Variants in SFTPB observed in about 807,000 individuals in gnomAD.
SFTPB encodes surfactant protein B, also known as pulmonary surfactant-associated protein B.
Under a neutral mutation model 51.0 loss-of-function variants are expected in SFTPB, and 32 were observed. The observed-to-expected ratio is 0.63, with a 90% confidence interval of 0.47 to 0.84. The LOEUF is 0.84. SFTPB is among the 40% of genes least tolerant of loss of function. The pLI, the probability that SFTPB is intolerant of heterozygous loss-of-function variation, is 0.00. For synonymous variants in SFTPB, 211 were observed against 208.5 expected (o/e 1.01, Z -0.10); for missense variants, 431 against 491.2 (o/e 0.88, Z 1.16).
At position 85,663,521 on chromosome 2, in the gene SFTPB, G is replaced by A. The variant is rs1430133211; in HGVS notation, c.857-30C>T. The A allele has an allele frequency of 1.9e-6, 3 of 1,612,712 alleles. No individual in the cohort carries two copies. In the African/African-American group the frequency reaches 4.0e-5, roughly 22 times the overall value. Reference sequence around the variant, plus strand: ...AGATGTGAGCATTAGGGGGAAAGCAGGCAAGGCCACCCTACAGAGGTGTTT... The same window carrying A: ...AGATGTGAGCATTAGGGGGAAAGCAAGCAAGGCCACCCTACAGAGGTGTTT... On this transcript the variant is annotated intron_variant, in intron 7 of 10. Transcript: ENST00000519937.
chr2:85,666,842 C>T (rs1677675109), intron 3 of SFTPB, 100 bp from the exon 4 acceptor site: 5 of 1,509,838 alleles, frequency 3.3e-6, no homozygotes, highest in Non-Finnish European at 4.6e-6. Context: ...ACCCCTAATC[C>T]CCCAGGGTGC....
intron 4 of SFTPB, among the ~76,000 whole-genome samples, chr2:85,666,125 G>A (rs1298302788): frequency 5.9e-5 from 9 of 152,122 alleles, no homozygotes; most frequent in African/African-American, 1.9e-4. Flanking sequence ...ATGGTCGGGT[G>A]CATGGCTGAA....
intron 2 of SFTPB, 75 bp from the exon 3 acceptor site, chr2:85,667,252 T>C (rs2104417415): frequency 1.7e-6 from 2 of 1,143,614 alleles, no homozygotes; most frequent in Middle Eastern, 2.0e-4. Context: ...GAGGTTCTCT[T>C]AGGAAGAGGC....
Position 85,662,106 on chromosome 2 carries a change from T to C in SFTPB, c.1006A>G (p.Lys336Glu). 2 of 1,600,422 alleles carry C rather than the reference T, an allele frequency of 1.2e-6. No individual in the cohort carries two copies. Among genetic ancestry groups the C allele is most frequent in the Non-Finnish European group, 1.7e-6 (2 of 1,174,996 alleles). ...GGCGTGTGCTGCTCCACAAATTGCT[T>C]GCACTGAGGAAGGAGACACACAGCT... ...VGSWLDREKC[K>E]QFVEQHTPQL... The change falls in exon 9 of 11, where the codon AAG becomes GAG. Residue 336 changes from lysine (K) to glutamate (E), a missense_variant. Lys to Glu is a moderately conservative substitution (Grantham distance 56, BLOSUM62 1). Transcript: ENST00000519937.
chr2:85,663,952 T>G, intron 6 of SFTPB, 105 bp from the exon 7 acceptor site: 2 of 1,091,370 alleles, frequency 1.8e-6, no homozygotes, highest in South Asian at 1.5e-5. Context: ...CCTCATTCTC[T>G]TCTAGAAGGG....
At position 85,662,129 on chromosome 2, in the gene SFTPB, G is replaced by T. The variant is rs1451772802; in HGVS notation, c.1003-20C>A. ...CTTGCACTGAGGAAGGAGACACACA[G>T]CTGTGGAGGGTCCCTTTGCAGGACT... On this transcript the variant is annotated intron_variant, in intron 8 of 10. Coordinates refer to ENST00000519937, the MANE Select transcript of SFTPB (RefSeq NM_000542.5). The T allele has an allele frequency of 1.9e-6, 3 of 1,589,714 alleles. No individual in the cohort carries two copies. The South Asian group carries it at 3.5e-5, about 18-fold the overall frequency.
intron 4 of SFTPB, chr2:85,666,391 C>CTGTGTGTGTGCTGTGTGTGTGTGTGTGTG (rs1677614968): frequency 4.2e-5 from 16 of 378,282 alleles, no homozygotes; most frequent in Non-Finnish European, 6.7e-5. Context: ...AGCTGGGGTA[C>CTGTGTGTGTGCTGTGTGTGTGTGTGTGTG]TGTGTGTGTG....
rs377400299 is a variant in SFTPB, at chr2:85,661,445, T to G, written c.*19+9A>C. 1 of 1,595,250 alleles carries G rather than the reference T, an allele frequency of 6.3e-7. No individual in the cohort carries two copies. The highest frequency in any genetic ancestry group is 1.3e-5 in the African/African-American group (1 of 74,590). On this transcript the variant is annotated intron_variant, in intron 10 of 10. Coordinates refer to ENST00000519937, the MANE Select transcript of SFTPB (RefSeq NM_000542.5). The stretch of plus-strand genomic sequence containing the variant: ...CCTTACCTCCCCGCAACTGGGGGCC[T>G]GGACTCACCTGGACAGCTGAGTTCT...
chr2:85,657,373 A>C lies in SFTPB; in HGVS notation c.*2329T>G, dbSNP rs1310121938. 1 of 152,010 alleles carries C rather than the reference A, an allele frequency of 6.6e-6. No individual in the cohort carries two copies. The highest frequency in any genetic ancestry group is 1.5e-5 in the Non-Finnish European group (1 of 68,016). 9.4% of individuals were successfully genotyped at this position (152,010 alleles called of 1,614,324 possible). On this transcript the variant is annotated 3_prime_UTR_variant, in exon 11 of 11. Transcript: ENST00000519937. ...TAAATTTAAAACACCCTTTTCTCTC[A>C]GAGAGTTGGATTTTGTAATGGAAAC... is the stretch of plus-strand genomic sequence containing the variant.
In SFTPB at chr2:85,662,796, T is replaced by C. The variant is rs377363157; in HGVS notation, c.1002+550A>G. On this transcript the variant is annotated intron_variant, in intron 8 of 10. Coordinates refer to ENST00000519937, the MANE Select transcript of SFTPB (RefSeq NM_000542.5). ...CAGAGGTTGCAGTGAGCCAAGATTG[T>C]GCCATTGCACTCCAGCCTGGGCAAC... Among the ~76,000 whole-genome samples, 73 of 134,676 alleles carry C rather than the reference T, an allele frequency of 5.4e-4. 2 individuals are homozygous for C. The South Asian group carries it at 0.011, about 21-fold the overall frequency. The allele number at this position is 134,676 out of a possible 152,430, so 88.4% of individuals were successfully genotyped here.
chr2:85,662,516 G>A lies in SFTPB; in HGVS notation c.1003-407C>T, dbSNP rs372445271. Among the ~76,000 whole-genome samples the A allele has an allele frequency of 5.0e-4, 76 of 152,252 alleles. 2 individuals are homozygous for A. In the South Asian group the frequency reaches 0.011, roughly 22 times the overall value. On this transcript the variant is annotated intron_variant, in intron 8 of 10. Transcript: ENST00000519937. Reference sequence around the variant, plus strand: ...TGCCTCCTGGGAAGAGCATCAGCTGGCTTTCCTCAGGACAGGATCTCGCTT... The same window carrying A: ...TGCCTCCTGGGAAGAGCATCAGCTGACTTTCCTCAGGACAGGATCTCGCTT...
chr2:85,665,198 A>C, intron 6 of SFTPB, 91 bp downstream of exon 6: 1 of 1,002,130 alleles, frequency 1.0e-6, no homozygotes, highest in Non-Finnish European at 1.6e-6. Flanking sequence ...CTGGGTCCTG[A>C]CGGGGGTGTG....
chr2:85,662,176 C>G (rs1677340881), intron 8 of SFTPB, 67 bp from the exon 9 acceptor site: 1 of 1,557,420 alleles, frequency 6.4e-7, no homozygotes, highest in African/African-American at 1.4e-5. Flanking sequence ...TGGTCCTGGC[C>G]TCTCCACATC....
In SFTPB at chr2:85,661,342, G is replaced by A. The variant is rs1186739510; in HGVS notation, c.*19+112C>T. On this transcript the variant is annotated intron_variant, in intron 10 of 10. Coordinates refer to ENST00000519937, the MANE Select transcript of SFTPB (RefSeq NM_000542.5). ...GCTGTGCGGTGAGAGGGAGGATGGAGCAGCCGGCAGGAGTGGCCGCCTCTT... is the reference window on the plus strand; with the variant it reads ...GCTGTGCGGTGAGAGGGAGGATGGAACAGCCGGCAGGAGTGGCCGCCTCTT... The A allele has an allele frequency of 9.5e-6, 7 of 733,468 alleles. No individual in the cohort carries two copies. In the African/African-American group the frequency reaches 1.2e-4, roughly 13 times the overall value. The allele number at this position is 733,468 out of a possible 1,614,324, so 45.4% of individuals were successfully genotyped here. A position where few individuals can be genotyped will look rare whatever the true frequency, so the allele number is the denominator to read the frequency against.
upstream of SFTPB, chr2:85,668,281 G>A: frequency 8.2e-7 from 1 of 1,224,766 alleles, no homozygotes; most frequent in South Asian, 1.3e-5. Flanking sequence ...CTCAGTGTTT[G>A]TCTTTGCTCT....
Position 85,667,667 on chromosome 2 carries a change from G to C in SFTPB, c.195+12C>G, listed in dbSNP as rs886888056. 2.5e-6 allele frequency: 4 copies of C among 1,614,192 alleles called. No individual in the cohort carries two copies. In the South Asian group the frequency reaches 4.4e-5, roughly 18 times the overall value. On this transcript the variant is annotated intron_variant, in intron 2 of 10. Transcript: ENST00000519937. ...AGACCCCCAGTTGCCATGCATCCTT[G>C]GTGGTACTCACGGCTCCCACATGTC...
At chr2:85,666,215 CTGTGTGTGTGTGTGTGTGTGTG>C (rs34530476) in intron 4 of SFTPB, among the ~76,000 whole-genome samples, 1 of 96,358 alleles carries the variant, frequency 1.0e-5, no homozygotes, top group Non-Finnish European at 2.1e-5. Flanking sequence ...TGTGTGTGTG[CTGTGTGTGTGTGTGTGTGTGTG>C]TGTGTGTGTG....
chr2:85,665,546 T>C (rs1677531744), intron 5 of SFTPB, 60 bp downstream of exon 5: 1 of 1,588,936 alleles, frequency 6.3e-7, no homozygotes, highest in East Asian at 2.2e-5. Flanking sequence ...GCCCATGGGC[T>C]TCGGAGGTGG....
intron 6 of SFTPB, 114 bp downstream of exon 6, chr2:85,665,175 T>G (rs139793973): frequency 1.1e-6 from 1 of 872,782 alleles, no homozygotes; most frequent in Non-Finnish European, 1.9e-6. Flanking sequence ...CCCTCCTAAC[T>G]TCTGGCAGCC....
Sources: allele counts gnomAD v4.1 joint callset (sites outside exome capture counted in the v4.1 genomes callset), GRCh38; gene constraint gnomAD v4.1.1; transcripts MANE v1.5; gene names NCBI Gene and HGNC (gene_info 2026-07-23, HGNC 2026-07-21).